Variants in SDK1 observed in about 807,000 individuals in gnomAD.
SDK1 encodes sidekick cell adhesion molecule 1.
Under a neutral mutation model 245.5 loss-of-function variants are expected in SDK1, and 157 were observed. That is an observed-to-expected ratio of 0.64 (90% confidence interval 0.56 to 0.73). The LOEUF (loss-of-function observed/expected upper bound fraction) is 0.73. Ranked by LOEUF, SDK1 falls within the 30% of genes least tolerant of loss-of-function variation. SDK1 has a pLI of 0.00. For missense variants in SDK1, 3,583 were observed against 3,002.3 expected (o/e 1.19, Z -4.52); for synonymous variants, 1,647 against 1,278.5 (o/e 1.29, Z -6.15).
At chr7:4,250,802 T>G (rs1049504524) in intron 44 of SDK1, among the ~76,000 whole-genome samples, 5 of 152,216 alleles carry the variant, frequency 3.3e-5, no homozygotes, top group African/African-American at 4.8e-5. Context: ...TGAGTTATAA[T>G]TCATATATCA....
intron 1 of SDK1, among the ~76,000 whole-genome samples, chr7:3,551,773 T>C (rs1453355145): frequency 2.6e-5 from 4 of 152,102 alleles, no homozygotes; most frequent in Non-Finnish European, 5.9e-5. Context: ...ACTCGTGGGT[T>C]CGAGCAGTGT....
chr7:3,625,592 T>G (rs1029809933), intron 2 of SDK1, among the ~76,000 whole-genome samples: 2 of 152,226 alleles, frequency 1.3e-5, no homozygotes, highest in African/African-American at 4.8e-5. Context: ...GAGCTCAATC[T>G]TGTTTGCAAC....
intron 4 of SDK1, among the ~76,000 whole-genome samples, chr7:3,726,451 C>T (rs541877561): frequency 6.6e-6 from 1 of 152,218 alleles, no homozygotes; most frequent in South Asian, 2.1e-4. Context: ...ATTTTGAGGC[C>T]CAACTCTCAC....
At chr7:3,320,185 C>T (rs976350879) in intron 1 of SDK1, among the ~76,000 whole-genome samples, 3 of 152,142 alleles carry the variant, frequency 2.0e-5, no homozygotes, top group Admixed American at 1.3e-4. Context: ...TCCTTCCCAC[C>T]GCACACATGC....
rs780763854 is a variant in SDK1 at position 4,237,661 on chromosome 7, C to A, written c.6007C>A (p.Pro2003Thr). 65 of 1,614,016 alleles carry A rather than the reference C, an allele frequency of 4.0e-5. 2 individuals are homozygous for A. Among genetic ancestry groups the A allele is most frequent in the Non-Finnish European group, 5.1e-5 (60 of 1,180,040 alleles). ...CTTTTCCACAGCTCAAGTGGAAGCC[C>A]CATTCTACGAGGAGTGGTGGTTCCT... ...STAVSAQVEA[P>T]FYEEWWFLLV... Residue 2003 changes from proline (P) to threonine (T), a missense_variant, in exon 42 of 45, where the codon CCA becomes ACA. Physicochemically the swap from Pro to Thr is conservative, Grantham distance 38. Transcript: ENST00000404826.
intron 7 of SDK1, among the ~76,000 whole-genome samples, chr7:3,955,740 G>T (rs1002075480): frequency 6.6e-6 from 1 of 152,238 alleles, no homozygotes; most frequent in African/African-American, 2.4e-5. Flanking sequence ...ATTGGGGATG[G>T]GAGAGCAGGA....
At chr7:3,690,159 T>C (rs868177912) in intron 4 of SDK1, among the ~76,000 whole-genome samples, 2 of 152,170 alleles carry the variant, frequency 1.3e-5, no homozygotes, top group African/African-American at 4.8e-5. Context: ...CTGGGACTAA[T>C]AGCCCAGTGA....
chr7:4,035,052 C>T (rs1289591575), intron 17 of SDK1, among the ~76,000 whole-genome samples: 2 of 152,168 alleles, frequency 1.3e-5, no homozygotes, highest in Non-Finnish European at 2.9e-5. Flanking sequence ...AGTCTTGGCT[C>T]ACCGCAACTT....
At chr7:4,063,882 G>A (rs1476471556) in intron 19 of SDK1, among the ~76,000 whole-genome samples, 1 of 152,024 alleles carries the variant, frequency 6.6e-6, no homozygotes, top group Non-Finnish European at 1.5e-5. Flanking sequence ...TTTGGTGCTA[G>A]GAAAATTGGA....
chr7:3,885,627 T>G (rs1017781853), intron 5 of SDK1, among the ~76,000 whole-genome samples: 26 of 152,178 alleles, frequency 1.7e-4, no homozygotes, highest in East Asian at 7.7e-4. Context: ...TGTCTCTGTT[T>G]TCTTTCCTAA....
chr7:3,496,915 C>T (rs1423888794), intron 1 of SDK1, among the ~76,000 whole-genome samples: 1 of 152,160 alleles, frequency 6.6e-6, no homozygotes, highest in African/African-American at 2.4e-5. Context: ...TCAGAGGTCA[C>T]CTGATTTAAT....
intron 22 of SDK1, among the ~76,000 whole-genome samples, chr7:4,080,412 A>C (rs191208690): frequency 1.1e-4 from 17 of 152,256 alleles, no homozygotes; most frequent in Middle Eastern, 3.4e-3. Flanking sequence ...TATGAGGAGT[A>C]GTAAAGTTTC....
chr7:3,701,188 C>G (rs1742597655), intron 4 of SDK1, among the ~76,000 whole-genome samples: 3 of 151,834 alleles, frequency 2.0e-5, no homozygotes, highest in Non-Finnish European at 1.5e-5. Flanking sequence ...GAATACAATA[C>G]TGTTTAAAAT....
intron 5 of SDK1, among the ~76,000 whole-genome samples, chr7:3,841,310 A>T (rs1018750002): frequency 1.3e-5 from 2 of 152,206 alleles, no homozygotes; most frequent in African/African-American, 4.8e-5. Flanking sequence ...TTGATCCAGC[A>T]GAACGGATGG....
intron 7 of SDK1, chr7:3,958,057 A>G (rs969814844): frequency 6.4e-6 from 3 of 469,526 alleles, no homozygotes; most frequent in African/African-American, 6.0e-5. Flanking sequence ...CTTGTTTTAA[A>G]GATACAGTCA....
chr7:3,681,449 T>C (rs1350795387), intron 4 of SDK1, among the ~76,000 whole-genome samples: 2 of 152,222 alleles, frequency 1.3e-5, no homozygotes. Context: ...TGTGGACATC[T>C]TTCTGTTGAG....
intron 13 of SDK1, among the ~76,000 whole-genome samples, chr7:3,983,723 A>C (rs1052091875): frequency 6.6e-6 from 1 of 152,054 alleles, no homozygotes; most frequent in Non-Finnish European, 1.5e-5. Flanking sequence ...ATTGAACACA[A>C]GAGATATTAT....
At chr7:3,518,122 G>C (rs142855939) in intron 1 of SDK1, among the ~76,000 whole-genome samples, 135 of 152,174 alleles carry the variant, frequency 8.9e-4, no homozygotes, top group Admixed American at 6.8e-3. Context: ...TAGAAGATAA[G>C]ATGAGCTTAT....
chr7:3,701,356 A>G (rs1028006514), intron 4 of SDK1, among the ~76,000 whole-genome samples: 1 of 152,248 alleles, frequency 6.6e-6, no homozygotes, highest in Admixed American at 6.5e-5. Flanking sequence ...CTATGTGTCT[A>G]TAAAAAGTGA....
Sources: allele counts gnomAD v4.1 joint callset (sites outside exome capture counted in the v4.1 genomes callset), GRCh38; gene constraint gnomAD v4.1.1; transcripts MANE v1.5; gene names NCBI Gene and HGNC (gene_info 2026-07-23, HGNC 2026-07-21).